RYR3: variants seen among roughly 807,000 people sequenced by gnomAD.
RYR3 encodes the protein ryanodine receptor 3.
RYR3 carries 207 observed loss-of-function variants against 584.3 expected under a neutral mutation model. The observed-to-expected ratio is 0.35, with a 90% CI of 0.32 to 0.40. The LOEUF (loss-of-function observed/expected upper bound fraction) is 0.40, where lower values mean the gene tolerates loss of function less well. RYR3 is among the 10% of genes least tolerant of loss of function. RYR3 has a pLI of 1.00. For missense variants in RYR3, 5,616 were observed against 6,089.2 expected (o/e 0.92, Z 2.59); for synonymous variants, 2,416 against 2,248.5 (o/e 1.07, Z -2.11).
chr15:33,678,073 GCCAC>G (rs1320186454), intron 38 of RYR3, among the ~76,000 whole-genome samples: 1 of 152,208 alleles, frequency 6.6e-6, no homozygotes, highest in Non-Finnish European at 1.5e-5. Context: ...TTCCGTCCAT[GCCAC>G]ACCTGTCTTG....
intron 98 of RYR3, among the ~76,000 whole-genome samples, chr15:33,855,586 A>C (rs2079568048): frequency 6.6e-6 from 1 of 150,954 alleles, no homozygotes. Context: ...CTGTACACAG[A>C]AAACTCCCCA....
At chr15:33,483,572 G>A (rs2050159868) in intron 2 of RYR3, among the ~76,000 whole-genome samples, 1 of 152,082 alleles carries the variant, frequency 6.6e-6, no homozygotes, top group African/African-American at 2.4e-5. Flanking sequence ...AGTCTTTTGG[G>A]ATTTTAATGA....
chr15:33,429,134 G>A (rs1435025962), intron 1 of RYR3, among the ~76,000 whole-genome samples: 2 of 152,192 alleles, frequency 1.3e-5, no homozygotes, highest in African/African-American at 2.4e-5. Context: ...TAGAATAATC[G>A]TGGAAACATG....
intron 1 of RYR3, among the ~76,000 whole-genome samples, chr15:33,331,846 T>A (rs916489461): frequency 6.6e-6 from 1 of 152,044 alleles, no homozygotes; most frequent in Non-Finnish European, 1.5e-5. Context: ...GTGGGGTTAA[T>A]AAAACCAGTA....
Position 33,731,608 on chromosome 15 carries a change from G to A in RYR3, c.7338G>A (p.Leu2446=). 6.2e-7 allele frequency: 1 copy of A among 1,613,732 alleles called. No individual in the cohort carries two copies. Among genetic ancestry groups the A allele is most frequent in the Non-Finnish European group, 8.5e-7 (1 of 1,179,646 alleles). Residue 2446 remains leucine (L), a synonymous_variant, in exon 48 of 104, where the codon CTG becomes CTA. Coordinates refer to ENST00000634891, the MANE Select transcript of RYR3 (RefSeq NM_001036.6). Reference sequence around the variant, plus strand: ...GCACCTCTCTGATTGATTCCACACTGCAGACAATATACAGGCTATCCAAGG... The same window carrying A: ...GCACCTCTCTGATTGATTCCACACTACAGACAATATACAGGCTATCCAAGG... ...EHCTSLIDST[L]QTIYRLSKGR...
At chr15:33,638,735 A>G (rs756057064) in intron 27 of RYR3, among the ~76,000 whole-genome samples, 4 of 152,244 alleles carry the variant, frequency 2.6e-5, no homozygotes, top group Non-Finnish European at 5.9e-5. Context: ...GTAAAAAAAG[A>G]CGATAATAAT....
At chr15:33,546,148 C>T (rs188734956) in intron 8 of RYR3, among the ~76,000 whole-genome samples, 15 of 152,250 alleles carry the variant, frequency 9.9e-5, no homozygotes, top group Non-Finnish European at 1.9e-4. Flanking sequence ...TGGAGCAAGC[C>T]GCCCAAATGT....
chr15:33,860,573 G>C (rs766399186), intron 100 of RYR3, 22 bp from the exon 101 acceptor site: 1 of 1,511,010 alleles, frequency 6.6e-7, no homozygotes, highest in Non-Finnish European at 9.0e-7. Flanking sequence ...AGATTGCTTT[G>C]TCTTTGTATT....
chr15:33,510,343 C>G (rs2052871163), intron 3 of RYR3, among the ~76,000 whole-genome samples: 1 of 152,186 alleles, frequency 6.6e-6, no homozygotes, highest in South Asian at 2.1e-4. Context: ...TTGCAGTGTA[C>G]CAAGTTAAAC....
intron 2 of RYR3, among the ~76,000 whole-genome samples, chr15:33,501,322 A>G (rs2051967588): frequency 6.6e-6 from 1 of 152,034 alleles, no homozygotes; most frequent in Non-Finnish European, 1.5e-5. Flanking sequence ...CTCAAACCAG[A>G]CACAGGAAGG....
chr15:33,453,570 A>G (rs2047308939), intron 1 of RYR3, among the ~76,000 whole-genome samples: 1 of 152,232 alleles, frequency 6.6e-6, no homozygotes, highest in Non-Finnish European at 1.5e-5. Context: ...CTGCTGTAAT[A>G]TAGTGATGAT....
At chr15:33,576,515 A>C (rs2058309818) in intron 12 of RYR3, among the ~76,000 whole-genome samples, 1 of 152,232 alleles carries the variant, frequency 6.6e-6, no homozygotes, top group Non-Finnish European at 1.5e-5. Flanking sequence ...AAAGACAAAA[A>C]TCACATGATT....
At chr15:33,589,056 A>G (rs1225818346) in intron 16 of RYR3, among the ~76,000 whole-genome samples, 1 of 152,210 alleles carries the variant, frequency 6.6e-6, no homozygotes, top group South Asian at 2.1e-4. Flanking sequence ...TAGGGGTTGT[A>G]CTAATTTACA....
chr15:33,810,420 G>GC, intron 70 of RYR3, 59 bp from the exon 71 acceptor site: 4 of 1,582,404 alleles, frequency 2.5e-6, no homozygotes, highest in Admixed American at 3.4e-5. Context: ...CTGACAGGAG[G>GC]CCGTTCCTTT....
intron 3 of RYR3, among the ~76,000 whole-genome samples, chr15:33,519,442 G>A (rs908365270): frequency 6.6e-6 from 1 of 152,082 alleles, no homozygotes; most frequent in African/African-American, 2.4e-5. Flanking sequence ...GGTCCAAAAG[G>A]ATGCTTCCGA....
chr15:33,728,913 C>T lies in RYR3; in HGVS notation c.7090C>T (p.Pro2364Ser). 1.2e-6 allele frequency: 2 copies of T among 1,613,668 alleles called. No individual in the cohort carries two copies. The highest frequency in any genetic ancestry group is 1.3e-5 in the African/African-American group (1 of 75,044). Residue 2364 changes from proline to serine, a missense_variant, in exon 47 of 104, where the codon CCT becomes TCT. Pro to Ser is a moderately conservative substitution (Grantham distance 74). This residue lies in a region of RYR3 where 1,280 missense variants were observed against 1,426.2 expected (regional missense o/e 0.90). Transcript: ENST00000634891. ...AANFCPDHKA[P>S]MVLFLDRVYG... ...CAATTTCTGCCCTGACCACAAGGCA[C>T]CTATGGTGCTGTTCTTGGACCGCGT...
chr15:33,644,511 C>A lies in RYR3; in HGVS notation c.3757C>A (p.His1253Asn). Reference sequence around the variant, plus strand: ...TGTCAACGTGCCAAAGGATCATCCACACATAGAGGTAATGTTACACAATGT... The same window carrying A: ...TGTCAACGTGCCAAAGGATCATCCAAACATAGAGGTAATGTTACACAATGT... ...TFVNVPKDHP[H>N]IEVMRIDGTM... The change falls in exon 28 of 104, where the codon CAC (histidine) becomes AAC (asparagine). Residue 1253 changes from histidine (H) to asparagine (N), a missense_variant. This residue lies in a region of RYR3 where 753 missense variants were observed against 741.0 expected (regional missense o/e 1.02). Coordinates refer to ENST00000634891, the MANE Select transcript of RYR3 (RefSeq NM_001036.6). 1 of 1,612,840 alleles carries A rather than the reference C, an allele frequency of 6.2e-7. No individual in the cohort carries two copies. The highest frequency in any genetic ancestry group is 1.1e-5 in the South Asian group (1 of 90,926).
chr15:33,463,578 C>T lies in RYR3; in HGVS notation c.52-9841C>T, dbSNP rs150005175. 1.1e-4 allele frequency among the ~76,000 whole-genome samples: 17 copies of T among 151,572 alleles called. No individual in the cohort carries two copies. The East Asian group carries it at 3.4e-3, about 30-fold the overall frequency. ...GAAAAATGTCATAGGTAATAGGTCA[C>T]TGCATTCTTCCATGTTACATAACAG... is the stretch of plus-strand genomic sequence containing the variant. On this transcript the variant is annotated intron_variant, in intron 1 of 103. Coordinates refer to ENST00000634891, the MANE Select transcript of RYR3 (RefSeq NM_001036.6).
chr15:33,603,402 TG>T, intron 18 of RYR3, 38 bp downstream of exon 18: 1 of 1,505,456 alleles, frequency 6.6e-7, no homozygotes, highest in Non-Finnish European at 8.9e-7. Context: ...ATAATCTCAC[TG>T]GAAATGATGG....
Sources: gnomAD v4.1 joint callset for allele counts (sites outside exome capture counted in the v4.1 genomes callset) on GRCh38, gnomAD v4.1.1 for gene constraint, gnomAD v4.1.1 regional missense constraint, MANE v1.5 for transcripts, NCBI Gene and HGNC (gene_info 2026-07-23, HGNC 2026-07-21) for gene names.